WDR64: variants seen among roughly 807,000 people sequenced by gnomAD.
WDR64 encodes WD repeat domain 64.
WDR64 carries 112 observed loss-of-function variants against 139.3 expected under a neutral mutation model. The ratio of observed to expected loss-of-function variants is 0.80; its 90% CI spans 0.69 to 0.94. The LOEUF is 0.94. Ranked by LOEUF, WDR64 falls within the 40% of genes least tolerant of loss-of-function variation. WDR64 has a pLI of 0.00. For synonymous variants in WDR64, 444 were observed against 437.7 expected, an observed-to-expected ratio of 1.01 and a Z score of -0.18; for missense variants, 1,206 against 1,293.1, an observed-to-expected ratio of 0.93 and a Z score of 1.03.
At chr1:241,735,282 G>A (rs1334639614) in intron 10 of WDR64, among the ~76,000 whole-genome samples, 1 of 152,054 alleles carries the variant, frequency 6.6e-6, no homozygotes, top group Non-Finnish European at 1.5e-5. Flanking sequence ...TGAACGCAGC[G>A]CATATTATTT....
intron 17 of WDR64, among the ~76,000 whole-genome samples, 180 bp downstream of exon 17, chr1:241,769,685 C>T (rs10926572): frequency 0.16 from 24,153 of 152,214 alleles, 2,195 homozygotes; most frequent in African/African-American, 0.21. Context: ...ACGTGGCTTC[C>T]GCTTTCTTCC....
intron 10 of WDR64, 74 bp downstream of exon 10, chr1:241,723,510 A>T: frequency 6.9e-7 from 1 of 1,457,952 alleles, no homozygotes; most frequent in South Asian, 1.4e-5. Flanking sequence ...TAGGGATGAT[A>T]CAATTTTTGA....
At chr1:241,701,706 C>G (rs894459492) in intron 8 of WDR64, among the ~76,000 whole-genome samples, 1 of 152,028 alleles carries the variant, frequency 6.6e-6, no homozygotes, top group Non-Finnish European at 1.5e-5. Context: ...TCAACTACTT[C>G]CTCACTTGGG....
chr1:241,771,357 T>C (rs536610937), intron 18 of WDR64, among the ~76,000 whole-genome samples: 4 of 152,264 alleles, frequency 2.6e-5, no homozygotes, highest in Middle Eastern at 3.4e-3. Context: ...AAAGATGAAG[T>C]TGCATGGTTG....
At position 241,802,662 on chromosome 1, in the gene WDR64, T is replaced by C. The variant is rs772058493; in HGVS notation, c.*1447T>C. On this transcript the variant is annotated 3_prime_UTR_variant, in exon 28 of 28. Coordinates refer to ENST00000437684, the MANE Select transcript of WDR64 (RefSeq NM_001367482.1). ...GAATCAAAAAAATAAGATGAACTAA[T>C]GGATAGAGGGATGGACTGATAGATG... is the stretch of plus-strand genomic sequence containing the variant. Among the ~76,000 whole-genome samples, 3 of 152,134 alleles carry C rather than the reference T, an allele frequency of 2.0e-5. No homozygotes were observed. Among genetic ancestry groups the C allele is most frequent in the Non-Finnish European group, 2.9e-5 (2 of 68,002 alleles).
intron 4 of WDR64, among the ~76,000 whole-genome samples, chr1:241,674,984 C>T (rs1374279652): frequency 1.4e-4 from 5 of 36,746 alleles, no homozygotes; most frequent in Non-Finnish European, 3.1e-4. Context: ...TTCCTTCTTT[C>T]CTCCCTTTCT....
intron 4 of WDR64, 108 bp downstream of exon 4, chr1:241,674,855 C>T (rs1666411334): frequency 6.8e-6 from 1 of 146,020 alleles, no homozygotes; most frequent in African/African-American, 8.8e-5. Context: ...TCCTTCTTTC[C>T]TTCCTCCCTC....
Position 241,670,552 on chromosome 1 carries a change from A to G in WDR64, c.277-522A>G, listed in dbSNP as rs113973399. On this transcript the variant is annotated intron_variant, in intron 2 of 27. Coordinates refer to ENST00000437684, the MANE Select transcript of WDR64 (RefSeq NM_001367482.1). The stretch of plus-strand genomic sequence containing the variant: ...AAGAAAAATCAGTAACCGCTCAAAA[A>G]TCATGCATTATCAGTATACAGTTTG... Among the ~76,000 whole-genome samples the G allele has an allele frequency of 3.2e-3, 488 of 152,296 alleles. 1 individual carries two copies. The highest frequency in any genetic ancestry group is 5.5e-3 in the Non-Finnish European group (371 of 68,022).
At chr1:241,692,675 A>G (rs191016402) in intron 8 of WDR64, among the ~76,000 whole-genome samples, 72 of 152,366 alleles carry the variant, frequency 4.7e-4, no homozygotes, top group African/African-American at 1.6e-3. Context: ...CAAAAGACAT[A>G]TCTGATAAAG....
At position 241,656,909 on chromosome 1, in the gene WDR64, T is replaced by C. The variant is rs1267873150; in HGVS notation, c.146-3621T>C. On this transcript the variant is annotated intron_variant, in intron 1 of 27. Transcript: ENST00000437684. This position sits in a 1 kb window ranked among gnomAD's most constrained non-coding sequence, Gnocchi z 4.3. Reference sequence around the variant, plus strand: ...GTGTGTGTGTGTGTGTGTGTGTGTGTGTCTGTCTGGGGATGGAGGTGAGGT... The same window carrying C: ...GTGTGTGTGTGTGTGTGTGTGTGTGCGTCTGTCTGGGGATGGAGGTGAGGT... Among the ~76,000 whole-genome samples, 2 of 148,428 alleles carry C rather than the reference T, an allele frequency of 1.3e-5. No individual in the cohort carries two copies. Among genetic ancestry groups the C allele is most frequent in the Middle Eastern group, 6.8e-3 (2 of 294 alleles).
chr1:241,740,371 C>T (rs1447458952), intron 11 of WDR64, among the ~76,000 whole-genome samples: 1 of 152,164 alleles, frequency 6.6e-6, no homozygotes, highest in African/African-American at 2.4e-5. Context: ...ATCTGGTTAC[C>T]ATATTCTGCT....
At chr1:241,768,707 T>C (rs1451522845) in intron 16 of WDR64, among the ~76,000 whole-genome samples, 2 of 152,188 alleles carry the variant, frequency 1.3e-5, no homozygotes, top group Non-Finnish European at 2.9e-5. Flanking sequence ...TTTGCTATAA[T>C]GAATGTTAAA....
intron 12 of WDR64, among the ~76,000 whole-genome samples, chr1:241,742,925 T>G (rs1018787928): frequency 3.4e-4 from 52 of 152,108 alleles, no homozygotes; most frequent in African/African-American, 1.3e-3. Flanking sequence ...TTGCTTCAGG[T>G]GTTGGTCCTT....
intron 14 of WDR64, 38 bp downstream of exon 14, chr1:241,749,760 C>CT (rs11432682): frequency 0.63 from 1,007,788 of 1,596,834 alleles, 319,004 homozygotes; most frequent in African/African-American, 0.65. Context: ...TGCAGGTGCC[C>CT]TTTTTGGGAA....
intron 10 of WDR64, among the ~76,000 whole-genome samples, chr1:241,725,156 A>G (rs1668753036): frequency 6.6e-6 from 1 of 152,170 alleles, no homozygotes; most frequent in Admixed American, 6.5e-5. Flanking sequence ...AGGTTTAAGA[A>G]CACAGACAGG....
chr1:241,770,856 AT>A, intron 18 of WDR64, among the ~76,000 whole-genome samples, 166 bp downstream of exon 18: 1 of 152,324 alleles, frequency 6.6e-6, no homozygotes, highest in Middle Eastern at 3.4e-3. Context: ...AAAAAATGCA[AT>A]GTCTAAATTG....
intron 8 of WDR64, among the ~76,000 whole-genome samples, chr1:241,692,478 T>G (rs967489681): frequency 1.4e-4 from 22 of 152,152 alleles, no homozygotes; most frequent in African/African-American, 5.3e-4. Context: ...CACATAAATA[T>G]AGTCAACAGA....
intron 2 of WDR64, among the ~76,000 whole-genome samples, chr1:241,663,396 A>G (rs6682476): frequency 0.54 from 81,763 of 152,024 alleles, 23,272 homozygotes; most frequent in Non-Finnish European, 0.64. Context: ...CACATGTCTA[A>G]GCTCTTCCAT....
At chr1:241,741,952 G>A (rs1252515787) in intron 12 of WDR64, among the ~76,000 whole-genome samples, 1 of 152,122 alleles carries the variant, frequency 6.6e-6, no homozygotes, top group Non-Finnish European at 1.5e-5. Flanking sequence ...GAACTAGTCT[G>A]CATTTTGATT....
Sources: allele counts gnomAD v4.1 joint callset (sites outside exome capture counted in the v4.1 genomes callset), GRCh38; gene constraint gnomAD v4.1.1; non-coding constraint Gnocchi (gnomAD v3.1); transcripts MANE v1.5; gene names NCBI Gene and HGNC (gene_info 2026-07-23, HGNC 2026-07-21).